CHD9: variants seen among roughly 807,000 people sequenced by gnomAD.
CHD9 encodes ATP-dependent chromatin remodeler CHD9.
In CHD9, 77 loss-of-function variants were observed where a neutral mutation model predicts 316.1. The observed-to-expected ratio is 0.24, with a 90% confidence interval of 0.20 to 0.29. The LOEUF (loss-of-function observed/expected upper bound fraction) is 0.29, where lower values mean the gene tolerates loss of function less well. Ranked by LOEUF, CHD9 falls within the 10% of genes least tolerant of loss-of-function variation. The pLI is 1.00. For synonymous variants in CHD9, 1,129 were observed against 1,158.3 expected (o/e 0.97, Z 0.51); for missense variants, 2,763 against 3,438.1 (o/e 0.80, Z 4.91).
chr16:53,191,065 C>A (rs1321337180), intron 2 of CHD9, among the ~76,000 whole-genome samples: 1 of 151,944 alleles, frequency 6.6e-6, no homozygotes, highest in Non-Finnish European at 1.5e-5. Context: ...GTTTTTATAA[C>A]CCTAAAAAGT....
intron 1 of CHD9, among the ~76,000 whole-genome samples, chr16:53,108,679 A>C (rs948172534): frequency 7.2e-5 from 11 of 152,212 alleles, no homozygotes; most frequent in African/African-American, 2.6e-4. Context: ...GTTTGAGATC[A>C]GCCTGGCCAA....
chr16:53,085,926 C>T (rs1421260750), intron 1 of CHD9, among the ~76,000 whole-genome samples: 1 of 152,102 alleles, frequency 6.6e-6, no homozygotes, highest in Non-Finnish European at 1.5e-5. Context: ...CATTGCCCTT[C>T]CTTCATAAAC....
rs142531919 is a variant in CHD9, at chr16:53,069,559, C to T, written c.-165+14482C>T. 1.2e-4 allele frequency among the ~76,000 whole-genome samples: 19 copies of T among 152,238 alleles called. No homozygotes were observed. In the East Asian group the frequency reaches 3.7e-3, roughly 29 times the overall value. Reference sequence around the variant, plus strand: ...TTAGTGACTGGCTTATTTCACTAAGCCTAATGTCTTCAAGGTTCATATTCC... The same window carrying T: ...TTAGTGACTGGCTTATTTCACTAAGTCTAATGTCTTCAAGGTTCATATTCC... On this transcript the variant is annotated intron_variant, in intron 1 of 38. Transcript: ENST00000447540.
In CHD9 at chr16:53,221,381, C is replaced by A. The variant is rs543587462; in HGVS notation, c.1785-1263C>A. On this transcript the variant is annotated intron_variant, in intron 3 of 38. Coordinates refer to ENST00000447540, the MANE Select transcript of CHD9 (RefSeq NM_001308319.2). ...AGTGCATGCTCTTAACCTCCAAATT[C>A]TCCTACATTAATAAATAGTTGTTGA... Among the ~76,000 whole-genome samples the A allele has an allele frequency of 3.9e-5, 6 of 152,300 alleles. No individual in the cohort carries two copies. The East Asian group carries it at 7.7e-4, about 20-fold the overall frequency.
At chr16:53,181,485 A>C (rs895209411) in intron 2 of CHD9, among the ~76,000 whole-genome samples, 4 of 152,186 alleles carry the variant, frequency 2.6e-5, no homozygotes, top group African/African-American at 7.2e-5. Flanking sequence ...TAGAGTGCTT[A>C]TATGAAACTT....
In CHD9 at chr16:53,207,651, C is replaced by T. The variant is rs74322060; in HGVS notation, c.1453-1831C>T. ...TCTTTAACCCTTTGCTAATCTTCAG[C>T]TATTTCATATTTTAAATATTTTAGA... On this transcript the variant is annotated intron_variant, in intron 2 of 38. Coordinates refer to ENST00000447540, the MANE Select transcript of CHD9 (RefSeq NM_001308319.2). Among the ~76,000 whole-genome samples the T allele has an allele frequency of 8.5e-5, 13 of 152,196 alleles. No individual in the cohort carries two copies. In the East Asian group the frequency reaches 2.3e-3, roughly 27 times the overall value.
intron 1 of CHD9, among the ~76,000 whole-genome samples, chr16:53,119,648 C>CA (rs2038587017): frequency 6.6e-6 from 1 of 152,114 alleles, no homozygotes; most frequent in South Asian, 2.1e-4. Flanking sequence ...GCCTGGCCAA[C>CA]ATGGTGAAAT....
chr16:53,322,005 T>TC (rs2057304359), intron 38 of CHD9, among the ~76,000 whole-genome samples: 1 of 150,188 alleles, frequency 6.7e-6, no homozygotes, highest in Non-Finnish European at 1.5e-5. Context: ...TTTTTCTTTT[T>TC]TTTTTTTTTT....
intron 1 of CHD9, among the ~76,000 whole-genome samples, chr16:53,065,507 C>T (rs186011273): frequency 4.0e-5 from 6 of 151,752 alleles, no homozygotes; most frequent in Admixed American, 6.6e-5. Flanking sequence ...TGTGGGCGAG[C>T]ACCTGTAGTC....
At chr16:53,208,382 G>A (rs1356848709) in intron 2 of CHD9, 3 of 1,275,816 alleles carry the variant, frequency 2.4e-6, no homozygotes, top group South Asian at 1.3e-5. Context: ...GAGGAGGAGG[G>A]GTTCTTTGGG....
chr16:53,301,356 C>T (rs1374034357), intron 30 of CHD9, among the ~76,000 whole-genome samples: 1 of 152,092 alleles, frequency 6.6e-6, no homozygotes, highest in East Asian at 1.9e-4. Context: ...TTACAGTGTC[C>T]TTAATGTCTC....
chr16:53,268,226 T>C (rs906962014), intron 22 of CHD9, 100 bp downstream of exon 22: 7 of 829,404 alleles, frequency 8.4e-6, no homozygotes, highest in Non-Finnish European at 1.3e-5. Context: ...ACAAATAATA[T>C]TAAGGAACCT....
At position 53,156,199 on chromosome 16, in the gene CHD9, A is replaced by T. The variant is rs1214898341; in HGVS notation, c.110A>T (p.Asp37Val). Reference protein sequence around the residue: ...FVQPGPVSLVDELNLGAEFEP... With the variant: ...FVQPGPVSLVVELNLGAEFEP... ...CAACCAGGACCTGTTTCACTAGTTG[A>T]TGAATTGAATTTGGGTGCAGAATTT... Residue 37 changes from aspartate (D) to valine (V), a missense_variant, in exon 2 of 39, where the codon GAT (aspartate) becomes GTT (valine). By Grantham distance (152) the Asp-to-Val change is radical. This residue lies in a region of CHD9 where 859 missense variants were observed against 890.4 expected (regional missense o/e 0.96). Coordinates refer to ENST00000447540, the MANE Select transcript of CHD9 (RefSeq NM_001308319.2). 6.2e-7 allele frequency: 1 copy of T among 1,613,964 alleles called. No individual in the cohort carries two copies. Among genetic ancestry groups the T allele is most frequent in the Admixed American group, 1.7e-5 (1 of 60,014 alleles).
At chr16:53,172,049 A>G (rs532335221) in intron 2 of CHD9, among the ~76,000 whole-genome samples, 25 of 152,316 alleles carry the variant, frequency 1.6e-4, no homozygotes, top group South Asian at 6.2e-4. Flanking sequence ...AAATGGACAT[A>G]TAATAAACAG....
chr16:53,168,071 TA>T (rs1028211330), intron 2 of CHD9, among the ~76,000 whole-genome samples: 3 of 152,046 alleles, frequency 2.0e-5, no homozygotes, highest in African/African-American at 7.2e-5. Flanking sequence ...TTTATTTATT[TA>T]TTTTTTTGAG....
chr16:53,282,987 TC>T (rs1176063574), intron 24 of CHD9, among the ~76,000 whole-genome samples: 1 of 152,144 alleles, frequency 6.6e-6, no homozygotes, highest in Non-Finnish European at 1.5e-5. Flanking sequence ...GTCTTCCAAA[TC>T]CCTATCTGTA....
intron 1 of CHD9, among the ~76,000 whole-genome samples, chr16:53,142,524 C>A (rs959517694): frequency 1.3e-5 from 2 of 152,224 alleles, no homozygotes; most frequent in African/African-American, 4.8e-5. Context: ...CCAGGCTGAT[C>A]TCCAGCTTCT....
intron 34 of CHD9, 34 bp downstream of exon 34, chr16:53,308,888 A>C (rs1214776456): frequency 3.9e-6 from 6 of 1,540,666 alleles, no homozygotes; most frequent in East Asian, 4.6e-5. Context: ...CTTACTATGA[A>C]ATATTTTCTG....
At chr16:53,072,913 T>C (rs2034225581) in intron 1 of CHD9, among the ~76,000 whole-genome samples, 1 of 152,108 alleles carries the variant, frequency 6.6e-6, no homozygotes, top group South Asian at 2.1e-4. Context: ...CAGGCTGGTA[T>C]TGAACTCCTT....
Sources: gnomAD v4.1 joint callset for allele counts (sites outside exome capture counted in the v4.1 genomes callset) on GRCh38, gnomAD v4.1.1 for gene constraint, gnomAD v4.1.1 regional missense constraint, MANE v1.5 for transcripts, NCBI Gene and HGNC (gene_info 2026-07-23, HGNC 2026-07-21) for gene names.